SCAI: variants seen among roughly 807,000 people sequenced by gnomAD.
The protein encoded by SCAI is protein SCAI.
SCAI carries 24 observed loss-of-function variants against 92.2 expected under a neutral mutation model. The ratio of observed to expected loss-of-function variants is 0.26; its 90% CI spans 0.19 to 0.37. The LOEUF (loss-of-function observed/expected upper bound fraction) is 0.37, where lower values mean the gene tolerates loss of function less well. Among genes scored for constraint, SCAI ranks in the 10% least tolerant of loss-of-function variants. SCAI has a pLI of 1.00. For synonymous variants in SCAI, 261 were observed against 258.6 expected (o/e 1.01, Z -0.09); for missense variants, 450 against 736.2 (o/e 0.61, Z 4.50).
At chr9:124,966,771 CATT>C (rs1291865497) in intron 17 of SCAI, among the ~76,000 whole-genome samples, 2 of 151,408 alleles carry the variant, frequency 1.3e-5, no homozygotes, top group African/African-American at 2.4e-5. Flanking sequence ...TATACTGTTT[CATT>C]ATTAAGAGTT....
intron 3 of SCAI, among the ~76,000 whole-genome samples, chr9:125,054,554 G>T (rs1208405230): frequency 6.6e-6 from 1 of 151,044 alleles, no homozygotes; most frequent in Non-Finnish European, 1.5e-5. Context: ...AAAAAAAAAA[G>T]TCTAAGTATG....
intron 14 of SCAI, among the ~76,000 whole-genome samples, chr9:124,977,238 C>A (rs542332678): frequency 1.1e-3 from 163 of 152,162 alleles, no homozygotes; most frequent in African/African-American, 3.8e-3. Context: ...AAAATTTAAA[C>A]CAACCTCAAT....
At chr9:125,074,762 T>C (rs1010573963) in intron 2 of SCAI, among the ~76,000 whole-genome samples, 6 of 151,278 alleles carry the variant, frequency 4.0e-5, no homozygotes, top group African/African-American at 1.2e-4. Context: ...CCCAACACTT[T>C]GGGAGGCCGA....
Position 124,950,814 on chromosome 9 carries a change from T to A in SCAI, c.*1993A>T, listed in dbSNP as rs1399746377. 6.6e-6 allele frequency: 1 copy of A among 151,980 alleles called. No individual in the cohort carries two copies. Among genetic ancestry groups the A allele is most frequent in the Non-Finnish European group, 1.5e-5 (1 of 68,024 alleles). 9.4% of individuals were successfully genotyped at this position (151,980 alleles called of 1,614,324 possible). A position where few individuals can be genotyped will look rare whatever the true frequency, so the allele number is the denominator to read the frequency against. ...CTGTAATCCTAGCACTTTGGGAGGTTGAGGCAGGAGGATCACTTGAGCCCA... is the reference window on the plus strand; with the variant it reads ...CTGTAATCCTAGCACTTTGGGAGGTAGAGGCAGGAGGATCACTTGAGCCCA... On this transcript the variant is annotated 3_prime_UTR_variant, in exon 18 of 18. Coordinates refer to ENST00000336505, the MANE Select transcript of SCAI (RefSeq NM_001144877.3).
Position 124,948,038 on chromosome 9 carries a change from CAT to C in SCAI, c.*4767_*4768del, listed in dbSNP as rs1410329122. On this transcript the variant is annotated 3_prime_UTR_variant, in exon 18 of 18. Coordinates refer to ENST00000336505, the MANE Select transcript of SCAI (RefSeq NM_001144877.3). ...AGAGACAGAAAGTTACTATATCACACATGTCAGAGATTAAACTTGGAGGAGAG... is the reference window on the plus strand; with the variant it reads ...AGAGACAGAAAGTTACTATATCACACGTCAGAGATTAAACTTGGAGGAGAG... 2 of 152,216 alleles carry C rather than the reference CAT, an allele frequency of 1.3e-5. No individual in the cohort carries two copies. Among genetic ancestry groups the C allele is most frequent in the East Asian group, 1.9e-4 (1 of 5,192 alleles). The allele number at this position is 152,216 out of a possible 1,614,324, so 9.4% of individuals were successfully genotyped here.
intron 17 of SCAI, among the ~76,000 whole-genome samples, chr9:124,962,967 T>G (rs1158028357): frequency 1.3e-5 from 2 of 150,478 alleles, no homozygotes; most frequent in African/African-American, 4.9e-5. Flanking sequence ...GATGGCTAAT[T>G]TTTGTATTTT....
chr9:125,108,998 T>C (rs1457279800), intron 2 of SCAI, among the ~76,000 whole-genome samples: 12 of 152,246 alleles, frequency 7.9e-5, no homozygotes, highest in Non-Finnish European at 1.5e-5. Context: ...GGAGACTCCA[T>C]TTTGTTCTGT....
chr9:125,016,463 G>GAATATCT, intron 9 of SCAI, among the ~76,000 whole-genome samples: 1 of 151,270 alleles, frequency 6.6e-6, no homozygotes, highest in East Asian at 1.9e-4. Context: ...AAAATAGGAA[G>GAATATCT]AAGGAAATAA....
At chr9:125,010,722 C>T (rs1305690469) in intron 9 of SCAI, among the ~76,000 whole-genome samples, 1 of 152,220 alleles carries the variant, frequency 6.6e-6, no homozygotes, top group Non-Finnish European at 1.5e-5. Context: ...AACGGGCAGA[C>T]TGCCTCCTCA....
rs1248489267 is a variant in SCAI, at chr9:125,108,750, G to A, written c.98+33883C>T. On this transcript the variant is annotated intron_variant, in intron 2 of 17. Transcript: ENST00000336505. ...CGTCCAGGAAGTGAGGAGCGTCTCC[G>A]CCCGGCAGCCGCCCCGTCCGGGAGG... is the stretch of plus-strand genomic sequence containing the variant. Among the ~76,000 whole-genome samples, 3 of 149,930 alleles carry A rather than the reference G, an allele frequency of 2.0e-5. 1 individual carries two copies. The highest frequency in any genetic ancestry group is 4.1e-4 in the East Asian group (2 of 4,896).
intron 2 of SCAI, among the ~76,000 whole-genome samples, chr9:125,136,344 C>T (rs1338927896): frequency 1.3e-5 from 2 of 151,708 alleles, no homozygotes; most frequent in African/African-American, 2.4e-5. Context: ...CTCCTGGGCT[C>T]ACACCATTCA....
intron 2 of SCAI, among the ~76,000 whole-genome samples, chr9:125,080,821 C>G (rs995166565): frequency 1.3e-5 from 2 of 152,192 alleles, no homozygotes; most frequent in Admixed American, 6.5e-5. Context: ...TATGGTTTGA[C>G]TGTGTCCCCA....
intron 6 of SCAI, among the ~76,000 whole-genome samples, chr9:125,026,338 C>T (rs1832963399): frequency 6.7e-6 from 1 of 149,956 alleles, no homozygotes; most frequent in South Asian, 2.1e-4. Flanking sequence ...TGAGATCGCA[C>T]CACTGCACTC....
intron 9 of SCAI, among the ~76,000 whole-genome samples, chr9:125,007,876 C>A (rs1001203544): frequency 6.6e-6 from 1 of 151,446 alleles, no homozygotes; most frequent in African/African-American, 2.4e-5. Context: ...GACGGAGTCT[C>A]GCTCTGTCGC....
chr9:125,123,793 A>T (rs1352991008), intron 2 of SCAI, among the ~76,000 whole-genome samples: 3 of 152,208 alleles, frequency 2.0e-5, no homozygotes, highest in Non-Finnish European at 2.9e-5. Flanking sequence ...AGAAACAAAC[A>T]AACAAACAAA....
At chr9:124,973,583 A>C (rs957533767) in intron 15 of SCAI, among the ~76,000 whole-genome samples, 2 of 152,224 alleles carry the variant, frequency 1.3e-5, no homozygotes, top group African/African-American at 4.8e-5. Flanking sequence ...CTGTAATCCC[A>C]GCACTTTTGG....
At chr9:125,053,198 G>C (rs568115691) in intron 3 of SCAI, among the ~76,000 whole-genome samples, 1 of 152,112 alleles carries the variant, frequency 6.6e-6, no homozygotes, top group African/African-American at 2.4e-5. Context: ...CTTGGGCGTG[G>C]TGTTAGGCAC....
chr9:124,997,226 C>A (rs537567078), intron 13 of SCAI, among the ~76,000 whole-genome samples: 3 of 152,312 alleles, frequency 2.0e-5, no homozygotes, highest in Non-Finnish European at 2.9e-5. Context: ...CCTGACCTCA[C>A]ATGATGGATC....
chr9:125,090,468 G>C (rs117139307), intron 2 of SCAI, among the ~76,000 whole-genome samples: 4 of 151,450 alleles, frequency 2.6e-5, no homozygotes, highest in Admixed American at 6.6e-5. Context: ...GAGGAAGGAG[G>C]ATGATGAAGA....
Sources: gnomAD v4.1 joint callset for allele counts (sites outside exome capture counted in the v4.1 genomes callset) on GRCh38, gnomAD v4.1.1 for gene constraint, MANE v1.5 for transcripts, NCBI Gene and HGNC (gene_info 2026-07-23, HGNC 2026-07-21) for gene names.